Variants in SGCZ observed in about 807,000 individuals in gnomAD.
SGCZ encodes the protein zeta-sarcoglycan.
In SGCZ, 40 loss-of-function variants were observed where a neutral mutation model predicts 41.3. The observed-to-expected ratio is 0.97, with a 90% CI of 0.75 to 1.26. The LOEUF is 1.26. Ranked by LOEUF, SGCZ falls within the 50% of genes most tolerant of loss-of-function variation. The pLI is 0.00. For synonymous variants in SGCZ, 206 were observed against 137.5 expected (o/e 1.50, Z -3.49); for missense variants, 552 against 369.8 (o/e 1.49, Z -4.04).
intron 1 of SGCZ, among the ~76,000 whole-genome samples, chr8:14,626,470 A>G (rs1048354740): frequency 7.9e-5 from 12 of 152,090 alleles, no homozygotes; most frequent in African/African-American, 2.9e-4. Flanking sequence ...GTCTCTTCTA[A>G]ATTCATCTGG....
At chr8:14,495,004 A>G (rs1447364196) in intron 2 of SGCZ, among the ~76,000 whole-genome samples, 1 of 152,102 alleles carries the variant, frequency 6.6e-6, no homozygotes, top group East Asian at 1.9e-4. Context: ...CCTTATATCC[A>G]TGTGTTTGCC....
At chr8:14,970,428 T>A (rs187524657) in intron 1 of SGCZ, among the ~76,000 whole-genome samples, 1 of 152,148 alleles carries the variant, frequency 6.6e-6, no homozygotes, top group African/African-American at 2.4e-5. Context: ...TTCCTTATGT[T>A]TCCTTCTAAA....
intron 1 of SGCZ, among the ~76,000 whole-genome samples, chr8:14,786,088 GA>G (rs1800758021): frequency 7.3e-6 from 1 of 136,584 alleles, no homozygotes; most frequent in Non-Finnish European, 1.5e-5. Context: ...GTGGTATACT[GA>G]AAAAAATGAG....
At chr8:14,445,810 C>G (rs895559814) in intron 2 of SGCZ, among the ~76,000 whole-genome samples, 3 of 152,176 alleles carry the variant, frequency 2.0e-5, no homozygotes, top group African/African-American at 4.8e-5. Flanking sequence ...TAATGGAATA[C>G]TCCCTCTGGT....
intron 7 of SGCZ, among the ~76,000 whole-genome samples, chr8:14,094,371 A>C (rs1027437879): frequency 6.6e-6 from 1 of 151,528 alleles, no homozygotes; most frequent in Admixed American, 6.6e-5. Flanking sequence ...ACTCCCAATT[A>C]GGAGTACATG....
chr8:14,338,910 G>C (rs955563927), intron 2 of SGCZ, among the ~76,000 whole-genome samples: 2 of 152,172 alleles, frequency 1.3e-5, no homozygotes, highest in Non-Finnish European at 2.9e-5. Context: ...TTTCTGCACA[G>C]TCATTGGTCC....
At chr8:14,597,301 C>G (rs1228636679) in intron 1 of SGCZ, among the ~76,000 whole-genome samples, 3 of 152,060 alleles carry the variant, frequency 2.0e-5, no homozygotes, top group Non-Finnish European at 2.9e-5. Flanking sequence ...ATATGGAGGG[C>G]ATACAAAAGT....
chr8:14,801,173 A>ATGTGTGTTTGTGTTG (rs369584571), intron 1 of SGCZ, among the ~76,000 whole-genome samples: 2 of 152,252 alleles, frequency 1.3e-5, no homozygotes, highest in Admixed American at 6.5e-5. Flanking sequence ...ATATGTGTGT[A>ATGTGTGTTTGTGTTG]TGTGTGTTTG....
chr8:14,539,171 G>C (rs1200462412), intron 2 of SGCZ, among the ~76,000 whole-genome samples: 1 of 151,906 alleles, frequency 6.6e-6, no homozygotes, highest in African/African-American at 2.4e-5. Context: ...GATTATCTTC[G>C]GACTGGAACT....
At chr8:14,297,715 A>T (rs1347088834) in intron 3 of SGCZ, among the ~76,000 whole-genome samples, 1 of 152,138 alleles carries the variant, frequency 6.6e-6, no homozygotes, top group Admixed American at 6.5e-5. Context: ...AGAACATCTA[A>T]GTAACTATAT....
At chr8:14,178,905 T>C (rs1804634963) in intron 4 of SGCZ, among the ~76,000 whole-genome samples, 1 of 152,146 alleles carries the variant, frequency 6.6e-6, no homozygotes, top group South Asian at 2.1e-4. Flanking sequence ...GTAAAAAGGG[T>C]TACGACATGA....
At chr8:14,476,520 A>C (rs1801366103) in intron 2 of SGCZ, among the ~76,000 whole-genome samples, 1 of 152,176 alleles carries the variant, frequency 6.6e-6, no homozygotes, top group African/African-American at 2.4e-5. Flanking sequence ...GTGAGCTAGT[A>C]ATTTTAAAAA....
intron 2 of SGCZ, among the ~76,000 whole-genome samples, chr8:14,367,941 T>C (rs1423475693): frequency 2.0e-5 from 3 of 152,100 alleles, no homozygotes; most frequent in African/African-American, 7.2e-5. Context: ...GAATGATAAA[T>C]CCCTGAAACT....
At chr8:14,444,235 A>G (rs1800361413) in intron 2 of SGCZ, among the ~76,000 whole-genome samples, 1 of 152,152 alleles carries the variant, frequency 6.6e-6, no homozygotes, top group Admixed American at 6.6e-5. Flanking sequence ...TAGTTCAACC[A>G]TTGTGGAAGT....
chr8:14,191,848 A>G (rs1272398212), intron 4 of SGCZ, among the ~76,000 whole-genome samples: 1 of 152,180 alleles, frequency 6.6e-6, no homozygotes, highest in Non-Finnish European at 1.5e-5. Context: ...TCTTTTAGCT[A>G]GTAATGACTG....
chr8:14,528,683 C>G (rs542729788), intron 2 of SGCZ, among the ~76,000 whole-genome samples: 2 of 151,910 alleles, frequency 1.3e-5, no homozygotes, highest in Admixed American at 6.6e-5. Flanking sequence ...AAAACTGATA[C>G]TTGCAGCGGG....
intron 3 of SGCZ, among the ~76,000 whole-genome samples, chr8:14,262,191 T>C (rs565150726): frequency 1.3e-5 from 2 of 152,258 alleles, no homozygotes; most frequent in African/African-American, 4.8e-5. Flanking sequence ...GTAAAACCAT[T>C]AGCAATTTAA....
At chr8:14,464,196 GTTA>G (rs1320549400) in intron 2 of SGCZ, among the ~76,000 whole-genome samples, 1 of 151,548 alleles carries the variant, frequency 6.6e-6, no homozygotes, top group Non-Finnish European at 1.5e-5. Context: ...ATTGATGTTA[GTTA>G]TTCTTTAAAT....
At chr8:14,867,101 C>A (rs1433933131) in intron 1 of SGCZ, among the ~76,000 whole-genome samples, 1 of 152,122 alleles carries the variant, frequency 6.6e-6, no homozygotes, top group Non-Finnish European at 1.5e-5. Context: ...TAGACAAATG[C>A]AATTTGTTTT....
Sources: gnomAD v4.1 joint callset for allele counts (sites outside exome capture counted in the v4.1 genomes callset) on GRCh38, gnomAD v4.1.1 for gene constraint, MANE v1.5 for transcripts, NCBI Gene and HGNC (gene_info 2026-07-23, HGNC 2026-07-21) for gene names.